The following GALNS variants were observed in gnomAD, a reference collection of about 807,000 sequenced individuals.
The protein encoded by GALNS is galactosamine (N-acetyl)-6-sulfatase.
A neutral mutation model predicts 65.9 loss-of-function variants in GALNS; 65 were observed. That is an observed-to-expected ratio of 0.99 (90% CI 0.81 to 1.21). The LOEUF (loss-of-function observed/expected upper bound fraction) is 1.21. Among genes scored for constraint, GALNS ranks in the 50% most tolerant of loss-of-function variants. The pLI is 0.00. For missense variants in GALNS, 776 were observed against 700.7 expected (o/e 1.11, Z -1.21); for synonymous variants, 346 against 288.9 (o/e 1.20, Z -2.00).
At chr16:88,856,219 T>C (rs1967859934) in intron 1 of GALNS, 1 of 702,908 alleles carries the variant, frequency 1.4e-6, no homozygotes, top group African/African-American at 1.7e-5. Flanking sequence ...TCGCTCAGCA[T>C]TCTCCAGAGG....
Position 88,836,250 on chromosome 16 carries a change from G to C in GALNS, c.584C>G (p.Pro195Arg). Residue 195 changes from proline to arginine, a missense_variant, in exon 6 of 14, where the codon CCT becomes CGT. Transcript: ENST00000268695. ...GGCTTCCCCCGTCTTCAGATTAATA[G>C]GAAATTCTTCATAATATCTGAAAAG... ...EMVGRYYEEFPINLKTGEANL... is the reference protein window; with the variant it reads ...EMVGRYYEEFRINLKTGEANL... The C allele has an allele frequency of 6.2e-7, 1 of 1,613,024 alleles. No homozygotes were observed. Among genetic ancestry groups the C allele is most frequent in the Non-Finnish European group, 8.5e-7 (1 of 1,179,696 alleles).
chr16:88,835,409 AG>A, intron 7 of GALNS, 57 bp from the exon 8 acceptor site: 1 of 1,604,918 alleles, frequency 6.2e-7, no homozygotes, highest in African/African-American at 1.3e-5. Flanking sequence ...CAAATGGATC[AG>A]GCAGCCAACG....
At chr16:88,838,540 C>G (rs1019581974) in intron 4 of GALNS, 1 of 152,618 alleles carries the variant, frequency 6.6e-6, no homozygotes, top group African/African-American at 2.4e-5. Flanking sequence ...CAATCCCCCG[C>G]AGACCTTGTG....
chr16:88,856,297 G>A (rs969323431), intron 1 of GALNS: 1 of 702,866 alleles, frequency 1.4e-6, no homozygotes, highest in Non-Finnish European at 2.6e-6. Context: ...TGGCGGGAGT[G>A]ATTCCTAGGG....
In GALNS at chr16:88,813,843, T is replaced by C. The variant is rs1430551389; in HGVS notation, c.*596A>G. ...ATAATTAGCGTCCAGGGAAATTCCT[T>C]GTGGACAAAGGACAGACGGAACTGG... On this transcript the variant is annotated 3_prime_UTR_variant, in exon 14 of 14. Transcript: ENST00000268695. 1 of 157,406 alleles carries C rather than the reference T, an allele frequency of 6.4e-6. No homozygotes were observed. Among genetic ancestry groups the C allele is most frequent in the East Asian group, 1.9e-4 (1 of 5,400 alleles). The allele number at this position is 157,406 out of a possible 1,614,324, so 9.8% of individuals were successfully genotyped here. A position where few individuals can be genotyped will look rare whatever the true frequency, so the allele number is the denominator to read the frequency against.
rs1293689169 is a variant in GALNS at position 88,836,237 on chromosome 16, C to G, written c.597G>C (p.Lys199Asn). 3.7e-6 allele frequency: 6 copies of G among 1,613,340 alleles called. No individual in the cohort carries two copies. Among genetic ancestry groups the G allele is most frequent in the African/African-American group, 1.3e-5 (1 of 74,936 alleles). Reference protein sequence around the residue: ...RYYEEFPINLKTGEANLTQIY... With the variant: ...RYYEEFPINLNTGEANLTQIY... ...TCTGGGTGAGGTTGGCTTCCCCCGTCTTCAGATTAATAGGAAATTCTTCAT... is the reference window on the plus strand; with the variant it reads ...TCTGGGTGAGGTTGGCTTCCCCCGTGTTCAGATTAATAGGAAATTCTTCAT... The change falls in exon 6 of 14, where the codon AAG becomes AAC. Residue 199 changes from lysine to asparagine, a missense_variant. Transcript: ENST00000268695.
At chr16:88,853,910 G>A (rs568405591) in intron 1 of GALNS, among the ~76,000 whole-genome samples, 26 of 152,312 alleles carry the variant, frequency 1.7e-4, no homozygotes, top group Non-Finnish European at 2.8e-4. Context: ...TTCTGGTCCC[G>A]ACTCTGGGGG....
Position 88,841,023 on chromosome 16 carries a change from CCTT to C in GALNS, c.388_390del (p.Lys130del), listed in dbSNP as rs1276320689. Reference sequence around the variant, plus strand: ...CCGACAATCTTGCTGACGTAGCCGGCCTTCTTCAGAAGCTCCGGCAGGAGCTGC... The same window carrying C: ...CCGACAATCTTGCTGACGTAGCCGGCCTTCAGAAGCTCCGGCAGGAGCTGC... On this transcript the variant is annotated inframe_deletion, in exon 4 of 14. Transcript: ENST00000268695. 4 of 1,613,154 alleles carry C rather than the reference CCTT, an allele frequency of 2.5e-6. No homozygotes were observed. The African/African-American group carries it at 5.3e-5, about 22-fold the overall frequency.
In GALNS at chr16:88,826,907, T is replaced by TG. The variant is rs545126573; in HGVS notation, c.1003-70dup. ...CCCGATGGGGCTGGGGGCCAATCCC[T>TG]GGGGGGGCGTGAGCCCCGCTGCCCA... is the stretch of plus-strand genomic sequence containing the variant. On this transcript the variant is annotated intron_variant, in intron 9 of 13. Transcript: ENST00000268695. 4.7e-4 allele frequency: 724 copies of TG among 1,534,504 alleles called. 2 individuals are homozygous for TG. Among genetic ancestry groups the TG allele is most frequent in the Middle Eastern group, 8.8e-4 (4 of 4,526 alleles).
intron 4 of GALNS, among the ~76,000 whole-genome samples, chr16:88,838,137 T>C (rs891314637): frequency 3.3e-5 from 5 of 152,148 alleles, no homozygotes; most frequent in Non-Finnish European, 5.9e-5. Context: ...CAGGAGAGTT[T>C]TGCGGGTCAT....
intron 13 of GALNS, chr16:88,816,168 G>C (rs1909602558): frequency 1.0e-6 from 1 of 985,352 alleles, no homozygotes; most frequent in Non-Finnish European, 1.2e-6. Flanking sequence ...GGTGGGGGCA[G>C]TTCCCCCAGT....
At chr16:88,836,726 C>T (rs192402664) in intron 5 of GALNS, among the ~76,000 whole-genome samples, 60 of 152,228 alleles carry the variant, frequency 3.9e-4, no homozygotes, top group African/African-American at 1.0e-3. Flanking sequence ...ACGCATCCCT[C>T]GCTCCCCCAG....
At chr16:88,817,032 C>T (rs1011492262) in intron 13 of GALNS, 48 of 985,314 alleles carry the variant, frequency 4.9e-5, no homozygotes, top group East Asian at 1.1e-4. Context: ...TCGTTTTTGC[C>T]GACTAGAGCG....
At chr16:88,820,783 C>T (rs1023648845) in intron 12 of GALNS, among the ~76,000 whole-genome samples, 1 of 152,206 alleles carries the variant, frequency 6.6e-6, no homozygotes, top group Non-Finnish European at 1.5e-5. Flanking sequence ...GCCCAGTGGA[C>T]GCGAGGGGGC....
intron 5 of GALNS, 59 bp from the exon 6 acceptor site, chr16:88,836,326 C>T: frequency 7.2e-7 from 1 of 1,380,218 alleles, no homozygotes; most frequent in East Asian, 2.3e-5. Context: ...GTCCCGTTCT[C>T]CCTGATTTCA....
At chr16:88,817,256 ACGC>A (rs1424598606) in intron 13 of GALNS, 1 of 933,332 alleles carries the variant, frequency 1.1e-6, no homozygotes, top group African/African-American at 1.9e-5. Context: ...CAAGACGACG[ACGC>A]ATCCTTTGTG....
chr16:88,815,390 G>A, intron 13 of GALNS: 1 of 985,470 alleles, frequency 1.0e-6, no homozygotes, highest in Non-Finnish European at 1.2e-6. Flanking sequence ...GCCTTTCCCA[G>A]GGAGAAGCCA....
intron 13 of GALNS, chr16:88,817,312 G>A: frequency 1.0e-6 from 1 of 985,462 alleles, no homozygotes; most frequent in South Asian, 4.7e-5. Context: ...GCACGTCTGT[G>A]CTTGTGTTTC....
Position 88,814,418 on chromosome 16 carries a change from TG to T in GALNS, c.*20del. The stretch of plus-strand genomic sequence containing the variant: ...CAGGGCCAACCGGAGATTCTAGGCC[TG>T]GCCTGAGTCTGCGCAGGTGCTAGTG... On this transcript the variant is annotated 3_prime_UTR_variant, in exon 14 of 14. Coordinates refer to ENST00000268695, the MANE Select transcript of GALNS (RefSeq NM_000512.5). 3 of 1,553,124 alleles carry T rather than the reference TG, an allele frequency of 1.9e-6. No homozygotes were observed. Among genetic ancestry groups the T allele is most frequent in the Non-Finnish European group, 2.6e-6 (3 of 1,148,358 alleles).
Sources: allele counts gnomAD v4.1 joint callset (sites outside exome capture counted in the v4.1 genomes callset), GRCh38; gene constraint gnomAD v4.1.1; transcripts MANE v1.5; gene names NCBI Gene and HGNC (gene_info 2026-07-23, HGNC 2026-07-21).